DOCK1: variants seen among roughly 807,000 people sequenced by gnomAD.
DOCK1 encodes the protein dedicator of cytokinesis protein 1.
A neutral mutation model predicts 262.7 loss-of-function variants in DOCK1; 138 were observed. The observed-to-expected ratio is 0.53, with a 90% CI of 0.46 to 0.61. The LOEUF is 0.61. DOCK1 is among the 20% of genes least tolerant of loss of function. The pLI is 0.00. For missense variants in DOCK1, 1,908 were observed against 2,370.7 expected, an observed-to-expected ratio of 0.80 and a Z score of 4.05; for synonymous variants, 866 against 867.4, an observed-to-expected ratio of 1.00 and a Z score of 0.03.
chr10:127,131,784 A>C (rs977450893), intron 27 of DOCK1, among the ~76,000 whole-genome samples: 1 of 152,208 alleles, frequency 6.6e-6, no homozygotes, highest in African/African-American at 2.4e-5. Context: ...AGAGTAGAAA[A>C]TAGTTCATAG....
intron 29 of DOCK1, among the ~76,000 whole-genome samples, chr10:127,307,575 C>T (rs1444571291): frequency 6.6e-6 from 1 of 152,244 alleles, no homozygotes; most frequent in Non-Finnish European, 1.5e-5. Context: ...CCTTCCCGGG[C>T]CTGGCCTGGG....
chr10:127,088,079 T>A (rs1293420107), intron 23 of DOCK1, among the ~76,000 whole-genome samples: 1 of 152,230 alleles, frequency 6.6e-6, no homozygotes, highest in African/African-American at 2.4e-5. Context: ...TTTTCTCTTC[T>A]GATGGTGGCA....
At chr10:127,412,640 C>T (rs956723576) in intron 43 of DOCK1, among the ~76,000 whole-genome samples, 3 of 152,180 alleles carry the variant, frequency 2.0e-5, no homozygotes, top group Admixed American at 1.3e-4. Context: ...GAGCAAAGCT[C>T]GGAACCCTTC....
chr10:127,409,261 C>T lies in DOCK1; in HGVS notation c.4265-52C>T, dbSNP rs907453277. Reference sequence around the variant, plus strand: ...TGGTTGGGTGTGGTGGGGGGCCTCTCTCATGGTTGATGTCTATGCTGCCTT... The same window carrying T: ...TGGTTGGGTGTGGTGGGGGGCCTCTTTCATGGTTGATGTCTATGCTGCCTT... On this transcript the variant is annotated intron_variant, in intron 41 of 51. Transcript: ENST00000623213. 8 of 1,612,470 alleles carry T rather than the reference C, an allele frequency of 5.0e-6. No individual in the cohort carries two copies. The African/African-American group carries it at 9.3e-5, about 19-fold the overall frequency.
intron 1 of DOCK1, among the ~76,000 whole-genome samples, chr10:126,947,003 C>G (rs2035465138): frequency 6.6e-6 from 1 of 152,236 alleles, no homozygotes. Context: ...TCCCCCCATC[C>G]CTGGCCCATG....
intron 32 of DOCK1, among the ~76,000 whole-genome samples, chr10:127,356,172 A>G (rs905992373): frequency 1.3e-5 from 2 of 152,222 alleles, no homozygotes; most frequent in Non-Finnish European, 2.9e-5. Flanking sequence ...TGATCTCTGC[A>G]ACATGATACC....
chr10:127,024,344 T>C (rs532356064), intron 14 of DOCK1, among the ~76,000 whole-genome samples: 11 of 152,268 alleles, frequency 7.2e-5, no homozygotes, highest in African/African-American at 2.6e-4. Flanking sequence ...TTCCCACTTT[T>C]TAGTCTACAG....
intron 22 of DOCK1, among the ~76,000 whole-genome samples, chr10:127,053,492 G>A (rs1233938934): frequency 6.6e-6 from 1 of 152,184 alleles, no homozygotes; most frequent in Non-Finnish European, 1.5e-5. Flanking sequence ...GGGTATTTCC[G>A]TGAGGAAGGA....
chr10:127,119,089 G>A (rs2049373036), intron 25 of DOCK1, among the ~76,000 whole-genome samples: 1 of 150,360 alleles, frequency 6.7e-6, no homozygotes. Context: ...TGTCACCCAG[G>A]CTGGAGTGCA....
At chr10:126,970,809 T>C (rs1169896998) in intron 2 of DOCK1, 24 bp downstream of exon 2, 4 of 1,606,534 alleles carry the variant, frequency 2.5e-6, no homozygotes, top group Admixed American at 1.7e-5. Context: ...TTGGTATCTT[T>C]TCTCTTACAT....
chr10:127,451,423 A>G lies in DOCK1; in HGVS notation c.5657A>G (p.Gln1886Arg), dbSNP rs1366107215. ...KQASVDSGIVQ is the reference protein window; with the variant it reads ...KQASVDSGIVR ...GCATCGGTGGACTCCGGGATCGTGCAGTGACGTCGCAAGCCTCTCTGGAAA... is the reference window on the plus strand; with the variant it reads ...GCATCGGTGGACTCCGGGATCGTGCGGTGACGTCGCAAGCCTCTCTGGAAA... The change falls in exon 52 of 52, where the codon CAG becomes CGG. Residue 1886 changes from glutamine to arginine, a missense_variant. Gln to Arg is a conservative substitution (Grantham distance 43). Transcript: ENST00000623213. 6.3e-7 allele frequency: 1 copy of G among 1,577,240 alleles called. No homozygotes were observed. Among genetic ancestry groups the G allele is most frequent in the Non-Finnish European group, 8.6e-7 (1 of 1,161,742 alleles).
At chr10:127,184,506 G>A (rs1252079825) in intron 27 of DOCK1, among the ~76,000 whole-genome samples, 1 of 130,638 alleles carries the variant, frequency 7.7e-6, no homozygotes, top group Non-Finnish European at 1.6e-5. Context: ...CATCCTGCAG[G>A]TCCTGCTAGT....
At chr10:127,381,923 G>A (rs1301787567) in intron 37 of DOCK1, among the ~76,000 whole-genome samples, 1 of 151,822 alleles carries the variant, frequency 6.6e-6, no homozygotes, top group African/African-American at 2.4e-5. Flanking sequence ...TACTCAGATA[G>A]CTTCAGACAT....
At chr10:127,417,742 A>C (rs190989708) in intron 44 of DOCK1, among the ~76,000 whole-genome samples, 6 of 152,062 alleles carry the variant, frequency 3.9e-5, no homozygotes, top group African/African-American at 1.4e-4. Context: ...CACCTGGCTA[A>C]TTTTTGTGTT....
intron 19 of DOCK1, among the ~76,000 whole-genome samples, chr10:127,041,549 T>A (rs1255376485): frequency 6.6e-6 from 1 of 152,256 alleles, no homozygotes; most frequent in Non-Finnish European, 1.5e-5. Context: ...TGTGAACATA[T>A]GTTTCCTTTC....
chr10:127,377,667 G>A (rs2065578756), intron 35 of DOCK1, among the ~76,000 whole-genome samples: 2 of 152,014 alleles, frequency 1.3e-5, no homozygotes, highest in Admixed American at 1.3e-4. Context: ...CAAGGAGGGA[G>A]GATCACTTGA....
chr10:127,122,214 T>C (rs2049633851), intron 25 of DOCK1, among the ~76,000 whole-genome samples: 1 of 152,128 alleles, frequency 6.6e-6, no homozygotes, highest in Non-Finnish European at 1.5e-5. Flanking sequence ...GGGAATTGCC[T>C]TTCTTTGGGG....
At chr10:126,950,815 T>G (rs1048200052) in intron 1 of DOCK1, among the ~76,000 whole-genome samples, 7 of 152,160 alleles carry the variant, frequency 4.6e-5, no homozygotes, top group Non-Finnish European at 7.3e-5. Context: ...CGTTGGAGTT[T>G]CTGGTCTTTC....
intron 16 of DOCK1, among the ~76,000 whole-genome samples, chr10:127,027,626 C>T (rs924168804): frequency 1.3e-5 from 2 of 152,126 alleles, no homozygotes; most frequent in Non-Finnish European, 2.9e-5. Flanking sequence ...AAACCTTCCT[C>T]CTAGGGTATT....
Sources: gnomAD v4.1 joint callset for allele counts (sites outside exome capture counted in the v4.1 genomes callset) on GRCh38, gnomAD v4.1.1 for gene constraint, MANE v1.5 for transcripts, NCBI Gene and HGNC (gene_info 2026-07-23, HGNC 2026-07-21) for gene names.